ENOX2: variants seen among roughly 807,000 people sequenced by gnomAD.
The protein encoded by ENOX2 is ecto-NOX disulfide-thiol exchanger 2, also known as APK1 antigen.
ENOX2 carries 36 observed loss-of-function variants against 45.0 expected under a neutral mutation model. The ratio of observed to expected loss-of-function variants is 0.80; its 90% CI spans 0.61 to 1.06. The LOEUF (loss-of-function observed/expected upper bound fraction) is 1.06, where lower values mean the gene tolerates loss of function less well. Ranked by LOEUF, ENOX2 falls within the 50% of genes least tolerant of loss-of-function variation. ENOX2 has a pLI of 0.00. For synonymous variants in ENOX2, 174 were observed against 152.3 expected, an observed-to-expected ratio of 1.14 and a Z score of -1.05; for missense variants, 423 against 462.5, an observed-to-expected ratio of 0.91 and a Z score of 0.78.
intron 2 of ENOX2, among the ~76,000 whole-genome samples, chrX:130,897,991 C>T (rs190800769): frequency 5.4e-5 from 6 of 110,494 alleles, no homozygotes; most frequent in East Asian, 5.7e-4. Flanking sequence ...TGGTGGACAC[C>T]GGGAAAACAT....
At chrX:130,845,434 T>C (rs1412801128) in intron 2 of ENOX2, among the ~76,000 whole-genome samples, 2 of 112,702 alleles carry the variant, frequency 1.8e-5, no homozygotes. Context: ...TTCTTCCTAT[T>C]GTAAACAAAT....
At chrX:130,646,286 A>G (rs2036233895) in intron 10 of ENOX2, 1 of 374,565 alleles carries the variant, frequency 2.7e-6, no homozygotes, top group African/African-American at 2.5e-5. Flanking sequence ...CCCATAGCAA[A>G]GTACTCCTAC....
intron 2 of ENOX2, among the ~76,000 whole-genome samples, chrX:130,841,098 G>T (rs962787236): frequency 2.7e-5 from 3 of 111,616 alleles, no homozygotes; most frequent in Non-Finnish European, 3.8e-5. Flanking sequence ...GGAGAACACG[G>T]TCCTTTTCCT....
At chrX:130,720,133 G>A (rs2038438029) in intron 3 of ENOX2, among the ~76,000 whole-genome samples, 1 of 112,295 alleles carries the variant, frequency 8.9e-6, no homozygotes, top group African/African-American at 3.2e-5. Flanking sequence ...GATAATGGGT[G>A]GCTTGGTGGC....
chrX:130,745,775 A>G (rs963711278), intron 3 of ENOX2, among the ~76,000 whole-genome samples: 1 of 112,024 alleles, frequency 8.9e-6, no homozygotes, highest in Non-Finnish European at 1.9e-5. Flanking sequence ...AAGGTTGTAA[A>G]GCAATGCAGT....
intron 2 of ENOX2, among the ~76,000 whole-genome samples, chrX:130,863,360 T>C (rs1162471885): frequency 8.9e-6 from 1 of 112,255 alleles, no homozygotes; most frequent in Non-Finnish European, 1.9e-5. Context: ...TGTATCCCTT[T>C]TGAAATGTAC....
intron 3 of ENOX2, among the ~76,000 whole-genome samples, chrX:130,723,376 G>T (rs1234499173): frequency 8.9e-6 from 1 of 111,976 alleles, no homozygotes; most frequent in Admixed American, 9.4e-5. Context: ...GGAAATCCTG[G>T]TTGGTTTTAT....
chrX:130,631,888 C>G lies in ENOX2; in HGVS notation c.1420-312G>C, dbSNP rs144477766. 2.0e-3 allele frequency among the ~76,000 whole-genome samples: 208 copies of G among 102,823 alleles called. 1 individual carries two copies. Among genetic ancestry groups the G allele is most frequent in the Non-Finnish European group, 2.0e-3 (104 of 51,078 alleles). The allele number at this position is 102,823 out of a possible 115,157, so 89.3% of individuals were successfully genotyped here. A position where few individuals can be genotyped will look rare whatever the true frequency, so the allele number is the denominator to read the frequency against. ...AGACCCAACATTTATGGTATACTAA[C>G]AAGATGCTAGGCACTGTTAGGTAAG... On this transcript the variant is annotated intron_variant, in intron 12 of 14. Transcript: ENST00000394363.
At chrX:130,779,589 T>A (rs1288991422) in intron 3 of ENOX2, among the ~76,000 whole-genome samples, 2 of 111,219 alleles carry the variant, frequency 1.8e-5, no homozygotes, top group Admixed American at 1.9e-4. Context: ...TAGGGACAAG[T>A]GAAGCTGTCA....
intron 3 of ENOX2, among the ~76,000 whole-genome samples, chrX:130,738,166 T>C (rs1389051880): frequency 1.8e-5 from 2 of 112,182 alleles, no homozygotes; most frequent in East Asian, 5.6e-4. Context: ...CTTAGAAATA[T>C]TGTGTAGTGT....
chrX:130,669,877 G>T, intron 7 of ENOX2, 88 bp downstream of exon 7: 1 of 676,417 alleles, frequency 1.5e-6, no homozygotes, highest in Non-Finnish European at 2.3e-6. Flanking sequence ...GAAACTCAAA[G>T]TGTAACTGTC....
In ENOX2 at chrX:130,665,675, T is replaced by A. The variant is rs2036815276; in HGVS notation, c.982A>T (p.Lys328Ter). 1.0e-5 allele frequency: 12 copies of A among 1,205,995 alleles called. No homozygotes were observed. The highest frequency in any genetic ancestry group is 1.3e-5 in the Non-Finnish European group (12 of 892,453). The change falls in exon 9 of 15, where the codon AAG (lysine) becomes TAG (stop). Residue 328 changes from lysine (K) to a stop codon, truncating the protein, a stop_gained. Transcript: ENST00000394363. LOFTEE classifies it high-confidence loss of function. ...TGTTTGCACCACACGCTGATGTTCT[T>A]CCGCTGGGCTTTTGTGAAGTGGTCC... ...AWDHFTKAQR[K>*]NISVWCKQAE...
intron 3 of ENOX2, among the ~76,000 whole-genome samples, chrX:130,766,795 T>G (rs2039628977): frequency 8.9e-6 from 1 of 112,117 alleles, no homozygotes; most frequent in Admixed American, 9.5e-5. Context: ...TTTACATTCA[T>G]TATTTCATGT....
intron 14 of ENOX2, 32 bp downstream of exon 14, chrX:130,627,926 C>T (rs1264027091): frequency 9.6e-7 from 1 of 1,040,227 alleles, no homozygotes; most frequent in Non-Finnish European, 1.4e-6. Flanking sequence ...ATCCCACATC[C>T]CCTTGCATCC....
chrX:130,786,365 T>C (rs1204615030), intron 2 of ENOX2, among the ~76,000 whole-genome samples: 1 of 112,045 alleles, frequency 8.9e-6, no homozygotes, highest in Non-Finnish European at 1.9e-5. Flanking sequence ...AGGTTCTGAT[T>C]AATGACGGTG....
At chrX:130,826,405 G>C (rs2077721871) in intron 2 of ENOX2, among the ~76,000 whole-genome samples, 2 of 111,533 alleles carry the variant, frequency 1.8e-5, no homozygotes, top group African/African-American at 6.5e-5. Flanking sequence ...TGCATACCAG[G>C]ATCACATTTA....
At chrX:130,765,032 G>C (rs1371768518) in intron 3 of ENOX2, among the ~76,000 whole-genome samples, 2 of 111,327 alleles carry the variant, frequency 1.8e-5, no homozygotes, top group East Asian at 5.6e-4. Flanking sequence ...GGAGGAATAA[G>C]TAATGCTAGC....
intron 2 of ENOX2, among the ~76,000 whole-genome samples, chrX:130,861,732 T>C (rs1168987498): frequency 9.0e-6 from 1 of 111,366 alleles, no homozygotes; most frequent in African/African-American, 3.3e-5. Flanking sequence ...AAGTTAACAA[T>C]ACTGTATGGT....
intron 4 of ENOX2, among the ~76,000 whole-genome samples, chrX:130,698,115 T>C (rs62603889): frequency 0.019 from 2,089 of 111,630 alleles, 44 homozygotes; most frequent in Admixed American, 0.082. Context: ...TTGCCAGTAA[T>C]CAAGTCAAAA....
Sources: gnomAD v4.1 joint callset for allele counts (sites outside exome capture counted in the v4.1 genomes callset) on GRCh38, gnomAD v4.1.1 for gene constraint, MANE v1.5 for transcripts, NCBI Gene and HGNC (gene_info 2026-07-23, HGNC 2026-07-21) for gene names.